The following ANXA4 variants were observed in gnomAD, a reference collection of about 807,000 sequenced individuals.
ANXA4 encodes annexin A4.
ANXA4 carries 39 observed loss-of-function variants against 49.8 expected under a neutral mutation model. That is an observed-to-expected ratio of 0.78 (90% CI 0.61 to 1.02). ANXA4 has a LOEUF of 1.02. Ranked by LOEUF, ANXA4 falls within the 50% of genes least tolerant of loss-of-function variation. The pLI is 0.00. For missense variants in ANXA4, 360 were observed against 410.1 expected (o/e 0.88, Z 1.05); for synonymous variants, 134 against 152.5 (o/e 0.88, Z 0.89).
upstream of ANXA4, chr2:69,644,327 G>C (rs1426743413): frequency 6.6e-6 from 1 of 152,226 alleles, no homozygotes; most frequent in African/African-American, 2.4e-5. Flanking sequence ...CGGGTCCTGT[G>C]GGTTTCCCGA....
chr2:69,801,417 T>G (rs1449346420), intron 3 of ANXA4, among the ~76,000 whole-genome samples: 1 of 151,978 alleles, frequency 6.6e-6, no homozygotes, highest in Non-Finnish European at 1.5e-5. Flanking sequence ...TTTTTTTCTT[T>G]TTTGAGATGG....
At chr2:69,776,148 A>G (rs1172232413) in intron 1 of ANXA4, among the ~76,000 whole-genome samples, 1 of 151,494 alleles carries the variant, frequency 6.6e-6, no homozygotes, top group East Asian at 1.9e-4. Context: ...CTTAATTTTT[A>G]TATTTTTATT....
At chr2:69,659,767 G>A (rs1158680124) in intron 2 of ANXA4, among the ~76,000 whole-genome samples, 3 of 152,152 alleles carry the variant, frequency 2.0e-5, no homozygotes, top group Non-Finnish European at 4.4e-5. Context: ...GAGCTTTCGT[G>A]CTTGCAAGAA....
At chr2:69,782,652 G>A (rs1275062631) in intron 2 of ANXA4, among the ~76,000 whole-genome samples, 3 of 152,186 alleles carry the variant, frequency 2.0e-5, no homozygotes, top group Non-Finnish European at 4.4e-5. Context: ...ACTGTGCCTA[G>A]CCAACGTGGA....
chr2:69,737,903 C>A (rs1333803285), upstream of ANXA4, among the ~76,000 whole-genome samples: 1 of 151,890 alleles, frequency 6.6e-6, no homozygotes, highest in Non-Finnish European at 1.5e-5. Context: ...CAGATCCTTC[C>A]CCTACATTGT....
chr2:69,787,579 G>A (rs1672470508), intron 2 of ANXA4, among the ~76,000 whole-genome samples: 1 of 152,180 alleles, frequency 6.6e-6, no homozygotes, highest in South Asian at 2.1e-4. Flanking sequence ...TTCCACGTTG[G>A]TGTAGTTTGT....
chr2:69,748,106 T>G (rs1282239750), intron 1 of ANXA4, among the ~76,000 whole-genome samples: 1 of 152,058 alleles, frequency 6.6e-6, no homozygotes, highest in Non-Finnish European at 1.5e-5. Context: ...CCAGGCGCGG[T>G]GGCTCATGCC....
chr2:69,775,961 T>TTTATTTATTTA (rs376392856), intron 1 of ANXA4, among the ~76,000 whole-genome samples: 1,689 of 104,562 alleles, frequency 0.016, 32 homozygotes, highest in African/African-American at 0.037. Context: ...TTTATTTTTA[T>TTTATTTATTTA]TTTATTTATT....
At chr2:69,742,844 A>G (rs1206142159) in intron 1 of ANXA4, among the ~76,000 whole-genome samples, 1 of 152,138 alleles carries the variant, frequency 6.6e-6, no homozygotes, top group African/African-American at 2.4e-5. Context: ...GACAGAGCAG[A>G]GTGGGTCCTG....
chr2:69,805,363 GGAGGCCGAGGC>G (rs1389850828), intron 4 of ANXA4, among the ~76,000 whole-genome samples: 1 of 152,050 alleles, frequency 6.6e-6, no homozygotes, highest in African/African-American at 2.4e-5. Context: ...TAGCACTTTG[GGAGGCCGAGGC>G]GAGTGGATCA....
intron 1 of ANXA4, among the ~76,000 whole-genome samples, chr2:69,747,996 A>G (rs559476861): frequency 1.3e-5 from 2 of 152,256 alleles, no homozygotes; most frequent in African/African-American, 4.8e-5. Context: ...AAAATATTGT[A>G]TAAAATTACT....
chr2:69,751,158 T>A (rs4852988), intron 1 of ANXA4, among the ~76,000 whole-genome samples: 2 of 151,882 alleles, frequency 1.3e-5, no homozygotes, highest in African/African-American at 4.8e-5. Flanking sequence ...ACTGACGAGC[T>A]TCACAGCCAG....
chr2:69,695,101 G>A lies in ANXA4; in HGVS notation n.767-25673G>A, dbSNP rs193111324. Among the ~76,000 whole-genome samples the A allele has an allele frequency of 2.0e-3, 297 of 151,884 alleles. 1 individual carries two copies. The highest frequency in any genetic ancestry group is 5.8e-3 in the African/African-American group (241 of 41,412). On this transcript the variant is annotated intron_variant and non_coding_transcript_variant, in intron 2 of 3. Transcript: ENST00000418066. ...CGAGGTTGCAGAAAGCCATGATTGCGCCACTGCACTCCAGCTTGGGTGACA... is the reference window on the plus strand; with the variant it reads ...CGAGGTTGCAGAAAGCCATGATTGCACCACTGCACTCCAGCTTGGGTGACA...
At chr2:69,674,508 A>G (rs1677322923) in intron 2 of ANXA4, among the ~76,000 whole-genome samples, 1 of 152,210 alleles carries the variant, frequency 6.6e-6, no homozygotes, top group South Asian at 2.1e-4. Flanking sequence ...ACGGAAATAA[A>G]GAATTATGAA....
Position 69,700,765 on chromosome 2 carries a change from C to T in ANXA4, n.767-20009C>T, listed in dbSNP as rs148108293. ...GCATTTAAGCTGTTTGAAGATTTTG[C>T]TGTTACAGCTATAGAAATGAACATA... On this transcript the variant is annotated intron_variant and non_coding_transcript_variant, in intron 2 of 3. Transcript: ENST00000418066. Among the ~76,000 whole-genome samples the T allele has an allele frequency of 3.9e-4, 60 of 152,324 alleles. 1 individual carries two copies. Among genetic ancestry groups the T allele is most frequent in the African/African-American group, 1.4e-3 (59 of 41,552 alleles).
chr2:69,764,512 C>T (rs1366574970), intron 1 of ANXA4, among the ~76,000 whole-genome samples: 1 of 152,198 alleles, frequency 6.6e-6, no homozygotes, highest in African/African-American at 2.4e-5. Context: ...TGATGGATAA[C>T]AGCAGCGTGC....
At chr2:69,675,715 A>G (rs952397176) in intron 2 of ANXA4, among the ~76,000 whole-genome samples, 7 of 152,176 alleles carry the variant, frequency 4.6e-5, no homozygotes, top group Non-Finnish European at 8.8e-5. Context: ...GATTCACAGC[A>G]ACGTGAACGT....
At chr2:69,788,884 A>T (rs967388550) in intron 3 of ANXA4, among the ~76,000 whole-genome samples, 4 of 148,628 alleles carry the variant, frequency 2.7e-5, no homozygotes, top group Non-Finnish European at 4.5e-5. Context: ...AGAAGGAAGG[A>T]AAGAAGGAGG....
chr2:69,723,062 G>A (rs1669859123), intron 3 of ANXA4, among the ~76,000 whole-genome samples: 1 of 150,148 alleles, frequency 6.7e-6, no homozygotes, highest in Admixed American at 6.6e-5. Context: ...ATGGTGGCAC[G>A]ATCCTGTAGT....
Sources: allele counts gnomAD v4.1 joint callset (sites outside exome capture counted in the v4.1 genomes callset), GRCh38; gene constraint gnomAD v4.1.1; transcripts MANE v1.5; gene names NCBI Gene and HGNC (gene_info 2026-07-23, HGNC 2026-07-21).